MTIF3: variants seen among roughly 807,000 people sequenced by gnomAD.
MTIF3 encodes translation initiation factor IF-3, mitochondrial.
A neutral mutation model predicts 20.7 loss-of-function variants in MTIF3; 13 were observed. The ratio of observed to expected loss-of-function variants is 0.63; its 90% CI spans 0.41 to 1.00. MTIF3 has a LOEUF of 1.00. Ranked by LOEUF, MTIF3 falls within the 50% of genes least tolerant of loss-of-function variation. MTIF3 has a pLI of 0.00. For missense variants in MTIF3, 295 were observed against 324.5 expected (o/e 0.91, Z 0.70); for synonymous variants, 114 against 112.5 (o/e 1.01, Z -0.08).
At chr13:27,438,210 A>G (rs1953856405) in intron 3 of MTIF3, among the ~76,000 whole-genome samples, 1 of 148,662 alleles carries the variant, frequency 6.7e-6, no homozygotes, top group African/African-American at 2.5e-5. Context: ...ATTGGGGGCC[A>G]GGTGTGCTGG....
chr13:27,441,862 T>TG (rs1202156918), intron 2 of MTIF3, among the ~76,000 whole-genome samples: 1 of 152,236 alleles, frequency 6.6e-6, no homozygotes, highest in Non-Finnish European at 1.5e-5. Flanking sequence ...CTCTGGTCCC[T>TG]GGCTTTGAGC....
At chr13:27,435,971 C>A in intron 4 of MTIF3, 78 bp from the exon 5 acceptor site, 1 of 1,156,076 alleles carries the variant, frequency 8.6e-7, no homozygotes, top group Non-Finnish European at 1.3e-6. Flanking sequence ...TGAACATTCA[C>A]AAAAACTGGC....
chr13:27,441,766 T>A (rs1261937048), intron 2 of MTIF3, among the ~76,000 whole-genome samples: 1 of 152,110 alleles, frequency 6.6e-6, no homozygotes, highest in Non-Finnish European at 1.5e-5. Flanking sequence ...TTGTCAAAGA[T>A]GAAAGAGGAA....
At chr13:27,442,777 G>C (rs1308810442) in intron 2 of MTIF3, among the ~76,000 whole-genome samples, 2 of 152,120 alleles carry the variant, frequency 1.3e-5, no homozygotes, top group Admixed American at 6.6e-5. Flanking sequence ...TTCCATAAAA[G>C]AGCACACCCC....
At position 27,437,098 on chromosome 13, in the gene MTIF3, T is replaced by G. The variant is rs755299615; in HGVS notation, c.618+18A>C. 1.9e-6 allele frequency: 3 copies of G among 1,612,094 alleles called. No homozygotes were observed. In the Admixed American group the frequency reaches 5.0e-5, roughly 27 times the overall value. ...AAGACCCAAAGCACAAGCAGTGGCT[T>G]GTACCTTCTTTACTTACCATTTCAT... On this transcript the variant is annotated intron_variant, in intron 4 of 4. Coordinates refer to ENST00000381120, the MANE Select transcript of MTIF3 (RefSeq NM_152912.5).
rs759075276 is a variant in MTIF3 at position 27,435,660 on chromosome 13, TTTTC to T, written c.*11_*14del. 1.4e-4 allele frequency: 231 copies of T among 1,613,102 alleles called. 3 individuals carry two copies. In the South Asian group the frequency reaches 2.3e-3, roughly 16 times the overall value. ...GAGCGAGCTTTCTCTCAGAGCATGC[TTTTC>T]TTTATTAAAATTACTGATGCAGAAC... On this transcript the variant is annotated 3_prime_UTR_variant, in exon 5 of 5. Transcript: ENST00000381120.
In MTIF3 at chr13:27,437,239, T is replaced by G; in HGVS notation, c.495A>C (p.Ser165=). ...TGTCCAAATCATGTTGTCCAATATT[T>G]GAAGACAAAATCAGTTCCTTTCTCA... ...PTLRKELILS[S]NIGQHDLDTK... is the part of the protein sequence containing the mutation. The change falls in exon 4 of 5, where the codon TCA becomes TCC. Residue 165 remains serine, a synonymous_variant. Coordinates refer to ENST00000381120, the MANE Select transcript of MTIF3 (RefSeq NM_152912.5). The G allele has an allele frequency of 1.2e-6, 2 of 1,613,938 alleles. No homozygotes were observed. The highest frequency in any genetic ancestry group is 4.5e-5 in the East Asian group (2 of 44,884).
At chr13:27,439,044 C>T (rs962451492) in intron 3 of MTIF3, among the ~76,000 whole-genome samples, 6 of 152,206 alleles carry the variant, frequency 3.9e-5, no homozygotes, top group African/African-American at 1.4e-4. Context: ...CTATGAAAAA[C>T]AAACATCTTT....
chr13:27,445,123 TGAG>T lies in MTIF3; in HGVS notation c.-40_-38del, dbSNP rs1314681327. The T allele has an allele frequency of 2.0e-5, 3 of 152,206 alleles. No individual in the cohort carries two copies. Among genetic ancestry groups the T allele is most frequent in the Admixed American group, 6.5e-5 (1 of 15,286 alleles). 9.4% of individuals were successfully genotyped at this position (152,206 alleles called of 1,614,324 possible). ...AAGAACTGTAATCATCCCCAGTTGA[TGAG>T]GAGAAGCTCTTCTGTAGAGAAGAAT... On this transcript the variant is annotated 5_prime_UTR_variant, in exon 2 of 5. Transcript: ENST00000381120.
chr13:27,439,140 A>G (rs1162195837), intron 3 of MTIF3, among the ~76,000 whole-genome samples: 1 of 152,238 alleles, frequency 6.6e-6, no homozygotes, highest in Non-Finnish European at 1.5e-5. Context: ...GAGTGTTGCT[A>G]CTGATATTGC....
At chr13:27,442,056 C>T (rs1330608634) in intron 2 of MTIF3, among the ~76,000 whole-genome samples, 1 of 152,292 alleles carries the variant, frequency 6.6e-6, no homozygotes, top group East Asian at 1.9e-4. Flanking sequence ...TTGAGTTCCA[C>T]ACCTGTAGGG....
chr13:27,443,220 C>T (rs940595356), intron 2 of MTIF3, among the ~76,000 whole-genome samples: 3 of 152,216 alleles, frequency 2.0e-5, no homozygotes, highest in Non-Finnish European at 4.4e-5. Context: ...GTGGCTCCAG[C>T]TGTAGATGCT....
At chr13:27,436,745 A>ATTT (rs66903644) in intron 4 of MTIF3, among the ~76,000 whole-genome samples, 30,482 of 89,756 alleles carry the variant, frequency 0.34, 5,780 homozygotes, top group South Asian at 0.47. Context: ...ATTTTCTACA[A>ATTT]TTTTTTTTTT....
intron 3 of MTIF3, 52 bp from the exon 4 acceptor site, chr13:27,437,325 C>G (rs1261030919): frequency 6.6e-7 from 1 of 1,504,076 alleles, no homozygotes; most frequent in Non-Finnish European, 9.0e-7. Context: ...CACTGTGAAC[C>G]CTGAACTTCC....
Position 27,435,736 on chromosome 13 carries a change from T to C in MTIF3, c.776A>G (p.Glu259Gly). 1 of 1,614,082 alleles carries C rather than the reference T, an allele frequency of 6.2e-7. No homozygotes were observed. Among genetic ancestry groups the C allele is most frequent in the Non-Finnish European group, 8.5e-7 (1 of 1,179,958 alleles). ...KAYKETQETQ[E>G]RDTLNKDHGN... ...ATGGTCTTTGTTCAAAGTGTCTCTTTCCTGGGTCTCTTGAGTTTCTTTATA... is the reference window on the plus strand; with the variant it reads ...ATGGTCTTTGTTCAAAGTGTCTCTTCCCTGGGTCTCTTGAGTTTCTTTATA... The change falls in exon 5 of 5, where the codon GAA becomes GGA. Residue 259 changes from glutamate to glycine, a missense_variant. Physicochemically the swap from Glu to Gly is moderately conservative, Grantham distance 98. Coordinates refer to ENST00000381120, the MANE Select transcript of MTIF3 (RefSeq NM_152912.5).
intron 3 of MTIF3, 43 bp from the exon 4 acceptor site, chr13:27,437,316 A>G (rs757601189): frequency 1.3e-6 from 2 of 1,552,532 alleles, no homozygotes; most frequent in Admixed American, 3.7e-5. Flanking sequence ...TGACTAGTCC[A>G]CTGTGAACCC....
chr13:27,444,189 C>T (rs1242699144), intron 2 of MTIF3, among the ~76,000 whole-genome samples: 1 of 152,076 alleles, frequency 6.6e-6, no homozygotes, highest in Non-Finnish European at 1.5e-5. Flanking sequence ...GCCTGTAGTC[C>T]CGGCTACTCG....
At position 27,440,288 on chromosome 13, in the gene MTIF3, G is replaced by C. The variant is rs376036117; in HGVS notation, c.161C>G (p.Ala54Gly). The C allele has an allele frequency of 5.6e-5, 91 of 1,613,944 alleles. No homozygotes were observed. Among genetic ancestry groups the C allele is most frequent in the Non-Finnish European group, 7.2e-5 (85 of 1,180,028 alleles). ...PRLSFLIHAK[A>G]FSTAEDTQNE... ...CTGGGTGTCTTCAGCGGTACTAAAG[G>C]CTTTTGCATGAATTAGGAAGGAGAG... Residue 54 changes from alanine (A) to glycine (G), a missense_variant, in exon 3 of 5, where the codon GCC becomes GGC. Physicochemically the swap from Ala to Gly is moderately conservative, Grantham distance 60 (BLOSUM62 0). Coordinates refer to ENST00000381120, the MANE Select transcript of MTIF3 (RefSeq NM_152912.5).
At chr13:27,440,583 G>A (rs1953974185) in intron 2 of MTIF3, 134 bp from the exon 3 acceptor site, 6 of 686,620 alleles carry the variant, frequency 8.7e-6, no homozygotes, top group Non-Finnish European at 1.4e-5. Context: ...CTGTTCTCTA[G>A]ACTTTCAGAT....
Sources: allele counts gnomAD v4.1 joint callset (sites outside exome capture counted in the v4.1 genomes callset), GRCh38; gene constraint gnomAD v4.1.1; transcripts MANE v1.5; gene names NCBI Gene and HGNC (gene_info 2026-07-23, HGNC 2026-07-21).